The following CENPT variants were observed in gnomAD, a reference collection of about 807,000 sequenced individuals.
CENPT encodes interphase centromere complex protein 22.
CENPT carries 42 observed loss-of-function variants against 59.7 expected under a neutral mutation model. The ratio of observed to expected loss-of-function variants is 0.70; its 90% CI spans 0.55 to 0.91. CENPT has a LOEUF of 0.91. Among genes scored for constraint, CENPT ranks in the 40% least tolerant of loss-of-function variants. CENPT has a pLI of 0.00. For missense variants in CENPT, 716 were observed against 713.4 expected, an observed-to-expected ratio of 1.00 and a Z score of -0.04; for synonymous variants, 295 against 289.6, an observed-to-expected ratio of 1.02 and a Z score of -0.19.
rs996741094 is a variant in CENPT at position 67,842,234 on chromosome 16, C to A, written c.-492+5167G>T. 1.9e-5 allele frequency: 3 copies of A among 154,146 alleles called. No homozygotes were observed. Among genetic ancestry groups the A allele is most frequent in the Non-Finnish European group, 2.9e-5 (2 of 69,214 alleles). The allele number at this position is 154,146 out of a possible 1,614,324, so 9.5% of individuals were successfully genotyped here. ...TTGGAAGGCGGCAGGAATCCGCACA[C>A]ACCCGCCCCGGAAGTGAGCCGCTTC... On this transcript the variant is annotated intron_variant, in intron 1 of 15. Coordinates refer to ENST00000562787, the MANE Select transcript of CENPT (RefSeq NM_025082.4). This position sits in a 1 kb window ranked among gnomAD's most constrained non-coding sequence, Gnocchi z 4.9.
chr16:67,842,958 C>T lies in CENPT; in HGVS notation c.-492+4443G>A, dbSNP rs1286169051. 6.2e-6 allele frequency: 10 copies of T among 1,605,418 alleles called. No individual in the cohort carries two copies. The highest frequency in any genetic ancestry group is 2.7e-5 in the African/African-American group (2 of 74,480). ...CAGCAGCAGCAGCAGCAGTCCTCAC[C>T]CTCTGCCTCCACTGCCCAGACTGCC... is the stretch of plus-strand genomic sequence containing the variant. On this transcript the variant is annotated intron_variant, in intron 1 of 15. Transcript: ENST00000562787. The surrounding 1 kb of genome is among the most constrained non-coding windows in gnomAD (Gnocchi z 4.9).
At chr16:67,847,198 C>A (rs966041642) in intron 1 of CENPT, 1 of 152,118 alleles carries the variant, frequency 6.6e-6, no homozygotes, top group South Asian at 2.1e-4. Flanking sequence ...GCACAGAGAG[C>A]CAGCCGGGCG....
Position 67,847,398 on chromosome 16 carries a change from C to T in CENPT, c.-492+3G>A, listed in dbSNP as rs2057812673. On this transcript the variant is annotated splice_donor_region_variant and intron_variant, in intron 1 of 15. Transcript: ENST00000562787. ...GACCCCAGCCCCACGTCCTGCTACC[C>T]ACCTACGAAGGATCCGGGGATGGGC... 6.6e-6 allele frequency: 1 copy of T among 152,358 alleles called. No homozygotes were observed. Among genetic ancestry groups the T allele is most frequent in the Non-Finnish European group, 1.5e-5 (1 of 68,148 alleles). The allele number at this position is 152,358 out of a possible 1,614,324, so 9.4% of individuals were successfully genotyped here.
chr16:67,829,716 G>C (rs1240828848), intron 12 of CENPT, 49 bp downstream of exon 12: 1 of 1,575,094 alleles, frequency 6.3e-7, no homozygotes, highest in Admixed American at 1.7e-5. Flanking sequence ...CTGTGTGCTA[G>C]GGCCTGAACA....
At chr16:67,829,633 C>A in intron 12 of CENPT, 117 bp from the exon 13 acceptor site, 2 of 1,307,104 alleles carry the variant, frequency 1.5e-6, no homozygotes, top group South Asian at 1.3e-5. Flanking sequence ...TCCAGCCAAG[C>A]AGGTGCCCCT....
Position 67,832,541 on chromosome 16 carries a change from G to C in CENPT, c.115C>G (p.Arg39Gly), listed in dbSNP as rs202239829. The C allele has an allele frequency of 1.5e-4, 247 of 1,613,720 alleles. 5 individuals carry two copies. The South Asian group carries it at 2.4e-3, about 16-fold the overall frequency. Residue 39 changes from arginine (R) to glycine (G), a missense_variant, in exon 5 of 16, where the codon CGG (arginine) becomes GGG (glycine). Physicochemically the swap from Arg to Gly is moderately radical, Grantham distance 125 (BLOSUM62 -2). Transcript: ENST00000562787. ...RRPRSARAGA[R>G]RALLETASPR... ...GAAGCCGTTTCAAGCAGGGCTCTCC[G>C]GGCTCTGTGTAAAGACCAGCAATTA...
Position 67,842,902 on chromosome 16 carries a change from A to ACAGCAGCAGCAGCAGCAACAGCAG in CENPT, c.-492+4475_-492+4498dup, listed in dbSNP as rs750882791. 6 of 1,583,070 alleles carry ACAGCAGCAGCAGCAGCAACAGCAG rather than the reference A, an allele frequency of 3.8e-6. No individual in the cohort carries two copies. In the African/African-American group the frequency reaches 4.3e-5, roughly 11 times the overall value. ...AGCAGCAGCAGCAGCAACAGCAGCA[A>ACAGCAGCAGCAGCAGCAACAGCAG]CAGCAGCAGCAGCAGCAACAGCAGC... On this transcript the variant is annotated intron_variant, in intron 1 of 15. Coordinates refer to ENST00000562787, the MANE Select transcript of CENPT (RefSeq NM_025082.4). The surrounding 1 kb of genome is among the most constrained non-coding windows in gnomAD (Gnocchi z 4.9).
rs566649456 is a variant in CENPT at position 67,831,625 on chromosome 16, G to A, written c.524-13C>T. On this transcript the variant is annotated splice_polypyrimidine_tract_variant and intron_variant, in intron 8 of 15. Coordinates refer to ENST00000562787, the MANE Select transcript of CENPT (RefSeq NM_025082.4). The stretch of plus-strand genomic sequence containing the variant: ...TTCCCTTGAGGCTCTGTCAGCAACC[G>A]GCAAGAGAATGTAAAAGAAGAAAAC... 1.3e-5 allele frequency: 21 copies of A among 1,614,020 alleles called. 1 individual carries two copies. The highest frequency in any genetic ancestry group is 5.5e-5 in the South Asian group (5 of 91,062).
intron 1 of CENPT, among the ~76,000 whole-genome samples, chr16:67,836,537 A>G (rs2057735796): frequency 6.6e-6 from 1 of 151,356 alleles, no homozygotes; most frequent in African/African-American, 2.4e-5. Flanking sequence ...CCTGGGTTCA[A>G]GCAATTCTCC....
In CENPT at chr16:67,843,249, T is replaced by C. The variant is rs2151289849; in HGVS notation, c.-492+4152A>G. On this transcript the variant is annotated intron_variant, in intron 1 of 15. Transcript: ENST00000562787. This position sits in a 1 kb window ranked among gnomAD's most constrained non-coding sequence, Gnocchi z 5.7. ...CCTATGGGCCCCCAGTTGGTGGTGG[T>C]AGGGGAAGAGGGCTTCCCTGATACT... The C allele has an allele frequency of 6.2e-7, 1 of 1,612,428 alleles. No homozygotes were observed. Among genetic ancestry groups the C allele is most frequent in the East Asian group, 2.2e-5 (1 of 44,860 alleles).
At chr16:67,829,347 G>C in intron 13 of CENPT, 76 bp downstream of exon 13, 1 of 1,183,780 alleles carries the variant, frequency 8.4e-7, no homozygotes, top group Non-Finnish European at 1.2e-6. Flanking sequence ...TAGGAAGGGG[G>C]AGGACCCTAT....
Position 67,829,535 on chromosome 16 carries a change from G to A in CENPT, c.1187-19C>T. On this transcript the variant is annotated intron_variant, in intron 12 of 15. Transcript: ENST00000562787. ...GGACTTGCTACAAAGAAGAAGGGTG[G>A]GGTCACAGGGATTCCAGGCCTGACC... The A allele has an allele frequency of 6.3e-7, 1 of 1,586,982 alleles. No individual in the cohort carries two copies. The highest frequency in any genetic ancestry group is 8.6e-7 in the Non-Finnish European group (1 of 1,167,534).
Position 67,836,899 on chromosome 16 carries a change from G to A in CENPT, c.-491-1241C>T, listed in dbSNP as rs376793286. On this transcript the variant is annotated intron_variant, in intron 1 of 15. Coordinates refer to ENST00000562787, the MANE Select transcript of CENPT (RefSeq NM_025082.4). ...TGGGAGTACAGGCGCCCACTACCAC[G>A]CCCGGCTAATTTTTTGTATTTTTAG... is the stretch of plus-strand genomic sequence containing the variant. Among the ~76,000 whole-genome samples the A allele has an allele frequency of 4.5e-3, 691 of 152,166 alleles. 26 individuals are homozygous for A. Among genetic ancestry groups the A allele is most frequent in the Admixed American group, 0.042 (639 of 15,252 alleles).
chr16:67,837,522 G>C (rs1017574550), intron 1 of CENPT, among the ~76,000 whole-genome samples: 1 of 151,890 alleles, frequency 6.6e-6, no homozygotes. Flanking sequence ...GCCTGGCCAA[G>C]ATGGTGAAAC....
chr16:67,841,042 T>TATATATATATATATATAC (rs2057758054), intron 1 of CENPT, among the ~76,000 whole-genome samples: 1 of 96,918 alleles, frequency 1.0e-5, no homozygotes, highest in African/African-American at 3.8e-5. Flanking sequence ...TATATATATA[T>TATATATATATATATATAC]ATATTAGCCG....
intron 1 of CENPT, 44 bp from the exon 2 acceptor site, chr16:67,835,702 C>T (rs2057730997): frequency 6.6e-6 from 1 of 152,112 alleles, no homozygotes. Flanking sequence ...TCTTGCTTCT[C>T]AAAATAAGAG....
chr16:67,829,425 T>C lies in CENPT; in HGVS notation c.1278A>G (p.Ala426=). 1 of 1,587,928 alleles carries C rather than the reference T, an allele frequency of 6.3e-7. No individual in the cohort carries two copies. The highest frequency in any genetic ancestry group is 8.5e-7 in the Non-Finnish European group (1 of 1,172,216). The change falls in exon 13 of 16, where the codon GCA becomes GCG. Residue 426 remains alanine, a splice_region_variant and synonymous_variant. Coordinates refer to ENST00000562787, the MANE Select transcript of CENPT (RefSeq NM_025082.4). ...GGAATGGGGTTGTGGGATCTTACACTGCAGCACCAGGCGCTGGGGCTGGCT... is the reference window on the plus strand; with the variant it reads ...GGAATGGGGTTGTGGGATCTTACACCGCAGCACCAGGCGCTGGGGCTGGCT... ...FLEPAPAPGA[A]VLSSEPAEPL... is the part of the protein sequence containing the mutation.
Position 67,832,436 on chromosome 16 carries a change from C to A in CENPT, c.201+19G>T. The A allele has an allele frequency of 6.2e-7, 1 of 1,613,520 alleles. No homozygotes were observed. Among genetic ancestry groups the A allele is most frequent in the South Asian group, 1.1e-5 (1 of 91,054 alleles). ...CGAGGCAGCCAGGGCCCTTTGGGGTCAGTGGGCTGGGTACTTACCCTGGCT... is the reference window on the plus strand; with the variant it reads ...CGAGGCAGCCAGGGCCCTTTGGGGTAAGTGGGCTGGGTACTTACCCTGGCT... On this transcript the variant is annotated intron_variant, in intron 5 of 15. Coordinates refer to ENST00000562787, the MANE Select transcript of CENPT (RefSeq NM_025082.4).
At chr16:67,830,987 C>T (rs758310254) in intron 10 of CENPT, 1 of 607,906 alleles carries the variant, frequency 1.6e-6, no homozygotes, top group Non-Finnish European at 2.9e-6. Context: ...CCCTTTACAA[C>T]CTCCAGCCCT....
Sources: allele counts gnomAD v4.1 joint callset (sites outside exome capture counted in the v4.1 genomes callset), GRCh38; gene constraint gnomAD v4.1.1; non-coding constraint Gnocchi (gnomAD v3.1); transcripts MANE v1.5; gene names NCBI Gene and HGNC (gene_info 2026-07-23, HGNC 2026-07-21).